FGF12: variants seen among roughly 807,000 people sequenced by gnomAD.
The protein encoded by FGF12 is fibroblast growth factor 12, also known as fibroblast growth factor 12B.
Under a neutral mutation model 23.6 loss-of-function variants are expected in FGF12, and 14 were observed. That is an observed-to-expected ratio of 0.59 (90% CI 0.39 to 0.93). The LOEUF (loss-of-function observed/expected upper bound fraction) is 0.93, where lower values mean the gene tolerates loss of function less well. Ranked by LOEUF, FGF12 falls within the 40% of genes least tolerant of loss-of-function variation. FGF12 has a pLI of 0.00. For missense variants in FGF12, 175 were observed against 217.8 expected (o/e 0.80, Z 1.24); for synonymous variants, 62 against 77.3 (o/e 0.80, Z 1.04).
intron 4 of FGF12, among the ~76,000 whole-genome samples, chr3:192,260,524 C>T (rs1362437642): frequency 6.6e-6 from 1 of 152,168 alleles, no homozygotes; most frequent in Admixed American, 6.5e-5. Context: ...CATAATACAA[C>T]CCGCGTATTA....
At chr3:192,215,450 T>C (rs1229534807) in intron 4 of FGF12, among the ~76,000 whole-genome samples, 1 of 152,216 alleles carries the variant, frequency 6.6e-6, no homozygotes, top group Non-Finnish European at 1.5e-5. Flanking sequence ...ATTGGAGCAA[T>C]GGTGCTTCTT....
At chr3:192,397,745 A>G (rs1720585139) in intron 2 of FGF12, among the ~76,000 whole-genome samples, 1 of 152,206 alleles carries the variant, frequency 6.6e-6, no homozygotes, top group East Asian at 1.9e-4. Context: ...AGCTAGAGCT[A>G]TTTGGCTGAA....
intron 4 of FGF12, among the ~76,000 whole-genome samples, chr3:192,290,394 T>C (rs1191720734): frequency 6.6e-6 from 1 of 152,126 alleles, no homozygotes; most frequent in Non-Finnish European, 1.5e-5. Context: ...GATAAAGTAA[T>C]ACATAAGTCA....
chr3:192,558,892 T>C (rs532308554), intron 2 of FGF12, among the ~76,000 whole-genome samples: 30 of 152,014 alleles, frequency 2.0e-4, no homozygotes, highest in African/African-American at 7.0e-4. Context: ...GAAAATGGAA[T>C]ATCCACATCA....
chr3:192,475,846 C>A (rs559872859), intron 2 of FGF12, among the ~76,000 whole-genome samples: 145 of 152,154 alleles, frequency 9.5e-4, no homozygotes, highest in African/African-American at 3.2e-3. Flanking sequence ...CAGAAGTCCA[C>A]CACTTGAAGC....
intron 5 of FGF12, among the ~76,000 whole-genome samples, chr3:192,165,271 G>T (rs1715099932): frequency 6.6e-6 from 1 of 151,432 alleles, no homozygotes; most frequent in South Asian, 2.1e-4. Context: ...CTATTTAAAT[G>T]TAAGTTATGG....
At chr3:192,188,048 G>A (rs1716572965) in intron 4 of FGF12, among the ~76,000 whole-genome samples, 1 of 152,138 alleles carries the variant, frequency 6.6e-6, no homozygotes, top group African/African-American at 2.4e-5. Context: ...CAGAGAGCCA[G>A]GAAAGTTTCC....
intron 4 of FGF12, among the ~76,000 whole-genome samples, chr3:192,200,326 C>CT (rs1473115002): frequency 6.6e-6 from 1 of 150,538 alleles, no homozygotes; most frequent in Admixed American, 6.6e-5. Flanking sequence ...AAGAGTCCAT[C>CT]TTAAAAAAAA....
intron 2 of FGF12, among the ~76,000 whole-genome samples, chr3:192,578,782 T>C (rs1713016621): frequency 6.6e-6 from 1 of 152,228 alleles, no homozygotes; most frequent in African/African-American, 2.4e-5. Context: ...GGTCACCATA[T>C]GTAAAATGAT....
chr3:192,512,837 T>TAAAA (rs1553823899), intron 2 of FGF12, among the ~76,000 whole-genome samples: 1 of 76,062 alleles, frequency 1.3e-5, no homozygotes, highest in African/African-American at 5.1e-5. Context: ...CTCAAATAAA[T>TAAAA]ATATATATAT....
intron 2 of FGF12, among the ~76,000 whole-genome samples, chr3:192,513,002 C>G (rs982653420): frequency 6.6e-6 from 1 of 151,124 alleles, no homozygotes; most frequent in Non-Finnish European, 1.5e-5. Flanking sequence ...ATAAGTTAAC[C>G]CTTCTATTTG....
chr3:192,683,159 T>C (rs1717597453), intron 2 of FGF12, among the ~76,000 whole-genome samples: 1 of 152,204 alleles, frequency 6.6e-6, no homozygotes, highest in African/African-American at 2.4e-5. Flanking sequence ...CTTCCAAATT[T>C]GTATTCAGTT....
At chr3:192,428,805 T>A (rs1275215519) in intron 2 of FGF12, among the ~76,000 whole-genome samples, 1 of 152,248 alleles carries the variant, frequency 6.6e-6, no homozygotes, top group South Asian at 2.1e-4. Flanking sequence ...GGATATGAGG[T>A]TGTTCCTTTA....
In FGF12 at chr3:192,439,787, A is replaced by C. The variant is rs189086576; in HGVS notation, c.14-79249T>G. On this transcript the variant is annotated intron_variant, in intron 2 of 5. Coordinates refer to ENST00000445105, the MANE Select transcript of FGF12 (RefSeq NM_004113.6). ...GTCAGGAGTTCAAGACCAGCCTGGC[A>C]AAGATGGTGAAACCCCGTCTCTACT... Among the ~76,000 whole-genome samples the C allele has an allele frequency of 6.6e-3, 1,000 of 152,048 alleles. 14 individuals carry two copies. The highest frequency in any genetic ancestry group is 0.023 in the African/African-American group (959 of 41,456).
intron 2 of FGF12, among the ~76,000 whole-genome samples, chr3:192,614,749 G>A (rs1284253836): frequency 6.6e-6 from 1 of 151,902 alleles, no homozygotes; most frequent in Non-Finnish European, 1.5e-5. Flanking sequence ...AGAGTTTCAG[G>A]TAACTGGCCT....
intron 2 of FGF12, among the ~76,000 whole-genome samples, chr3:192,380,633 G>T (rs947474447): frequency 6.6e-6 from 1 of 152,146 alleles, no homozygotes; most frequent in African/African-American, 2.4e-5. Flanking sequence ...TAGCAAGATA[G>T]TAAGGCAAAA....
intron 4 of FGF12, among the ~76,000 whole-genome samples, chr3:192,261,063 G>A (rs960543373): frequency 1.3e-5 from 2 of 151,992 alleles, no homozygotes; most frequent in Non-Finnish European, 2.9e-5. Context: ...CAAAGAGACC[G>A]GCCACACACC....
chr3:192,567,804 TTTCTTTCTTTC>T (rs1458262898), intron 2 of FGF12, among the ~76,000 whole-genome samples: 7 of 143,190 alleles, frequency 4.9e-5, no homozygotes, highest in African/African-American at 1.8e-4. Context: ...TTTCTTTCTC[TTTCTTTCTTTC>T]TCTCTCTCTC....
At chr3:192,289,773 A>G (rs1232252027) in intron 4 of FGF12, among the ~76,000 whole-genome samples, 1 of 152,196 alleles carries the variant, frequency 6.6e-6, no homozygotes, top group Non-Finnish European at 1.5e-5. Context: ...TACATATTAG[A>G]TGTCCAATAA....
Sources: gnomAD v4.1 joint callset for allele counts (sites outside exome capture counted in the v4.1 genomes callset) on GRCh38, gnomAD v4.1.1 for gene constraint, MANE v1.5 for transcripts, NCBI Gene and HGNC (gene_info 2026-07-23, HGNC 2026-07-21) for gene names.